KIF26B: variants seen among roughly 807,000 people sequenced by gnomAD.
The protein encoded by KIF26B is kinesin-like protein KIF26B.
KIF26B carries 63 observed loss-of-function variants against 151.2 expected under a neutral mutation model. The ratio of observed to expected loss-of-function variants is 0.42; its 90% CI spans 0.34 to 0.51. The LOEUF (loss-of-function observed/expected upper bound fraction) is 0.51. Among genes scored for constraint, KIF26B ranks in the 20% least tolerant of loss-of-function variants. The probability of loss-of-function intolerance (pLI) is 0.07; values close to 1 mark genes in which losing one functional copy is unlikely to be tolerated. For missense variants in KIF26B, 2,813 were observed against 2,913.6 expected (o/e 0.97, Z 0.79); for synonymous variants, 1,357 against 1,262.1 (o/e 1.08, Z -1.59).
rs141663052 is a variant in KIF26B, at chr1:245,495,639, C to T, written c.1167-45128C>T. On this transcript the variant is annotated intron_variant, in intron 4 of 14. Coordinates refer to ENST00000407071, the MANE Select transcript of KIF26B (RefSeq NM_018012.4). This position sits in a 1 kb window ranked among gnomAD's most constrained non-coding sequence, Gnocchi z 4.2. ...TATAGTTTGGTATCCATTAATGAAC[C>T]TCTCCCCATCCACCTCTCCTTCCTA... Among the ~76,000 whole-genome samples, 51 of 152,224 alleles carry T rather than the reference C, an allele frequency of 3.4e-4. No individual in the cohort carries two copies. In the East Asian group the frequency reaches 9.8e-3, roughly 29 times the overall value.
chr1:245,252,237 C>T (rs1670457647), intron 2 of KIF26B, among the ~76,000 whole-genome samples: 1 of 146,878 alleles, frequency 6.8e-6, no homozygotes, highest in Non-Finnish European at 1.5e-5. Flanking sequence ...GATTGCACCT[C>T]TGTACTCCAG....
intron 2 of KIF26B, among the ~76,000 whole-genome samples, chr1:245,321,567 G>C (rs1671887316): frequency 6.6e-6 from 1 of 152,236 alleles, no homozygotes; most frequent in African/African-American, 2.4e-5. Flanking sequence ...GCCTAGCCAT[G>C]CTAGGCTGTT....
At chr1:245,204,696 C>T (rs1351912012) in intron 2 of KIF26B, among the ~76,000 whole-genome samples, 1 of 152,060 alleles carries the variant, frequency 6.6e-6, no homozygotes. Context: ...TCTTAAATTT[C>T]TCTTATGGCT....
intron 2 of KIF26B, among the ~76,000 whole-genome samples, chr1:245,325,787 A>G (rs1024249932): frequency 2.6e-5 from 4 of 152,102 alleles, no homozygotes; most frequent in Non-Finnish European, 2.9e-5. Flanking sequence ...ATTCAATCCA[A>G]TGAATCCTGG....
intron 2 of KIF26B, among the ~76,000 whole-genome samples, chr1:245,240,974 C>G (rs1469893570): frequency 6.6e-6 from 1 of 152,296 alleles, no homozygotes; most frequent in East Asian, 1.9e-4. Context: ...GTCCCTGCCC[C>G]CAGAGTCCCC....
chr1:245,653,644 C>CA (rs2044042926), intron 10 of KIF26B, among the ~76,000 whole-genome samples: 1 of 152,168 alleles, frequency 6.6e-6, no homozygotes, highest in African/African-American at 2.4e-5. Context: ...CCCAGTTTAT[C>CA]ACCCCCCACC....
At chr1:245,288,689 C>T (rs988628069) in intron 2 of KIF26B, among the ~76,000 whole-genome samples, 9 of 152,116 alleles carry the variant, frequency 5.9e-5, no homozygotes, top group Admixed American at 1.3e-4. Context: ...TTGTCTAGTT[C>T]CGTTACGTTT....
At chr1:245,235,122 G>C (rs780133086) in intron 2 of KIF26B, among the ~76,000 whole-genome samples, 53 of 152,270 alleles carry the variant, frequency 3.5e-4, no homozygotes, top group Admixed American at 3.1e-3. Context: ...CCCTTCCTTT[G>C]TGGAGCTGAT....
chr1:245,649,636 G>A (rs139291152), intron 10 of KIF26B, among the ~76,000 whole-genome samples: 120 of 152,198 alleles, frequency 7.9e-4, no homozygotes, highest in African/African-American at 2.7e-3. Context: ...GGTGGCGGGG[G>A]GAACAAAAAT....
chr1:245,321,580 G>A (rs1671887493), intron 2 of KIF26B, among the ~76,000 whole-genome samples: 1 of 152,222 alleles, frequency 6.6e-6, no homozygotes. Context: ...AGGCTGTTTT[G>A]TAAATGATGA....
chr1:245,280,619 T>TC (rs1671029154), intron 2 of KIF26B, among the ~76,000 whole-genome samples: 2 of 111,764 alleles, frequency 1.8e-5, no homozygotes, highest in African/African-American at 6.8e-5. Flanking sequence ...TTTTTTTTTT[T>TC]ATACTTTAAG....
At chr1:245,223,070 C>T (rs1669806196) in intron 2 of KIF26B, among the ~76,000 whole-genome samples, 1 of 152,062 alleles carries the variant, frequency 6.6e-6, no homozygotes, top group South Asian at 2.1e-4. Flanking sequence ...TGTTTGGAGA[C>T]AGTTTTAGTT....
intron 4 of KIF26B, among the ~76,000 whole-genome samples, chr1:245,494,151 AG>A (rs1260950863): frequency 1.3e-5 from 2 of 152,090 alleles, no homozygotes; most frequent in Admixed American, 6.5e-5. Flanking sequence ...CTAAAAATAC[AG>A]AAACTTAGCT....
chr1:245,444,012 C>A (rs1167781969), intron 4 of KIF26B, among the ~76,000 whole-genome samples: 1 of 145,474 alleles, frequency 6.9e-6, no homozygotes, highest in Non-Finnish European at 1.5e-5. Context: ...GAGCGGTCAT[C>A]TCCCTCACTG....
At position 245,686,185 on chromosome 1, in the gene KIF26B, C is replaced by T; in HGVS notation, c.3202C>T (p.Leu1068=). ...GKPRPMGSPR[L]GIASLSKTSE... ...GCCCAGGCCCATGGGCTCCCCCCGG[C>T]TGGGCATCGCCAGCCTGTCCAAGAC... Residue 1068 remains leucine (L), a synonymous_variant, in exon 12 of 15, where the codon CTG becomes TTG. Transcript: ENST00000407071. The surrounding 1 kb of genome is among the most constrained non-coding windows in gnomAD (Gnocchi z 5.6). 6.2e-7 allele frequency: 1 copy of T among 1,612,542 alleles called. No individual in the cohort carries two copies. Among genetic ancestry groups the T allele is most frequent in the African/African-American group, 1.3e-5 (1 of 75,064 alleles).
At chr1:245,415,111 G>C (rs961239142) in intron 3 of KIF26B, among the ~76,000 whole-genome samples, 1 of 152,196 alleles carries the variant, frequency 6.6e-6, no homozygotes, top group Admixed American at 6.5e-5. Context: ...CCTTCTATGA[G>C]GAAGGAGAGG....
intron 9 of KIF26B, among the ~76,000 whole-genome samples, chr1:245,617,758 C>T (rs2043608148): frequency 6.6e-6 from 1 of 152,136 alleles, no homozygotes. Flanking sequence ...TCACCGCCTC[C>T]GTTTCTAATC....
intron 2 of KIF26B, among the ~76,000 whole-genome samples, chr1:245,185,740 T>C (rs981831972): frequency 1.3e-5 from 2 of 152,208 alleles, no homozygotes; most frequent in African/African-American, 2.4e-5. Flanking sequence ...CCATGTGTGC[T>C]AATTTTCTAA....
rs184875058 is a variant in KIF26B at position 245,187,338 on chromosome 1, A to T, written c.465+30655A>T. ...ACATGGACAATAGAGAAAGACAGAC[A>T]GTGGAGATTGCAAAGATGGGGCAGG... On this transcript the variant is annotated intron_variant, in intron 2 of 14. Transcript: ENST00000407071. Among the ~76,000 whole-genome samples the T allele has an allele frequency of 1.8e-3, 275 of 152,338 alleles. 2 individuals are homozygous for T. The highest frequency in any genetic ancestry group is 0.017 in the Middle Eastern group (5 of 294).
Sources: allele counts gnomAD v4.1 joint callset (sites outside exome capture counted in the v4.1 genomes callset), GRCh38; gene constraint gnomAD v4.1.1; non-coding constraint Gnocchi (gnomAD v3.1); transcripts MANE v1.5; gene names NCBI Gene and HGNC (gene_info 2026-07-23, HGNC 2026-07-21).